UTRN: variants seen among roughly 807,000 people sequenced by gnomAD.
The protein encoded by UTRN is dystrophin-related protein 1.
In UTRN, 283 loss-of-function variants were observed where a neutral mutation model predicts 463.9. The observed-to-expected ratio is 0.61, with a 90% CI of 0.55 to 0.67. UTRN has a LOEUF of 0.67. UTRN is among the 30% of genes least tolerant of loss of function. The pLI is 0.00. For synonymous variants in UTRN, 1,442 were observed against 1,431.5 expected (o/e 1.01, Z -0.17); for missense variants, 3,922 against 4,084.3 (o/e 0.96, Z 1.08).
At position 144,718,020 on chromosome 6, in the gene UTRN, G is replaced by A. The variant is rs59568657; in HGVS notation, c.7810-12337G>A. 2.7e-3 allele frequency among the ~76,000 whole-genome samples: 408 copies of A among 152,206 alleles called. 1 individual carries two copies. Among genetic ancestry groups the A allele is most frequent in the African/African-American group, 9.1e-3 (377 of 41,510 alleles). On this transcript the variant is annotated intron_variant, in intron 53 of 74. Coordinates refer to ENST00000367545, the MANE Select transcript of UTRN (RefSeq NM_007124.3). Reference sequence around the variant, plus strand: ...AAGTCATCTACTTTCAGATGTTCCTGCAAACGGAGGGCTTTGTTCTGGCAT... The same window carrying A: ...AAGTCATCTACTTTCAGATGTTCCTACAAACGGAGGGCTTTGTTCTGGCAT...
intron 19 of UTRN, among the ~76,000 whole-genome samples, chr6:144,458,119 T>C (rs1220538333): frequency 6.6e-6 from 1 of 152,200 alleles, no homozygotes; most frequent in Non-Finnish European, 1.5e-5. Context: ...ATGGTGGCAT[T>C]GTTTTCCCTG....
chr6:144,399,844 T>C (rs1464724553), intron 2 of UTRN, among the ~76,000 whole-genome samples: 3 of 152,222 alleles, frequency 2.0e-5, no homozygotes, highest in Non-Finnish European at 4.4e-5. Flanking sequence ...CTTGAAGATT[T>C]ATCAAGCAGT....
At chr6:144,618,361 C>T (rs140017678) in intron 51 of UTRN, among the ~76,000 whole-genome samples, 259 of 152,190 alleles carry the variant, frequency 1.7e-3, no homozygotes, top group African/African-American at 5.9e-3. Flanking sequence ...TACAGTGCTT[C>T]CTTGAGTGTA....
At position 144,836,387 on chromosome 6, in the gene UTRN, C is replaced by G. The variant is rs536689275; in HGVS notation, c.9911C>G (p.Ser3304Cys). The change falls in exon 71 of 75, where the codon TCT becomes TGT. Residue 3304 changes from serine (S) to cysteine (C), a missense_variant. Ser to Cys is a moderately radical substitution (Grantham distance 112). Coordinates refer to ENST00000367545, the MANE Select transcript of UTRN (RefSeq NM_007124.3). The stretch of plus-strand genomic sequence containing the variant: ...GGTTCACCGCCAGAGTCGATTATAT[C>G]TCCCCATCACACGTCTGAGGATTCA... ...PVGSPPESII[S>C]PHHTSEDSEL... The G allele has an allele frequency of 8.6e-6, 11 of 1,279,592 alleles. No individual in the cohort carries two copies. Among genetic ancestry groups the G allele is most frequent in the African/African-American group, 3.0e-5 (2 of 66,558 alleles). 79.3% of individuals were successfully genotyped at this position (1,279,592 alleles called of 1,614,324 possible).
At chr6:144,670,982 C>T (rs968392169) in intron 51 of UTRN, among the ~76,000 whole-genome samples, 2 of 152,064 alleles carry the variant, frequency 1.3e-5, no homozygotes, top group Non-Finnish European at 2.9e-5. Flanking sequence ...CTAGTCTGAT[C>T]CATTAGTCTG....
intron 65 of UTRN, among the ~76,000 whole-genome samples, chr6:144,809,777 G>A (rs1778450217): frequency 6.6e-6 from 1 of 152,132 alleles, no homozygotes; most frequent in Admixed American, 6.6e-5. Context: ...AAGGAGAGGG[G>A]AAGGGCACAT....
At chr6:144,825,817 C>T (rs879287850) in intron 66 of UTRN, among the ~76,000 whole-genome samples, 10 of 151,926 alleles carry the variant, frequency 6.6e-5, no homozygotes, top group Non-Finnish European at 1.5e-4. Context: ...AGAACAGTGA[C>T]GTGGAAATAG....
At chr6:144,448,505 A>C in intron 16 of UTRN, 95 bp from the exon 17 acceptor site, 1 of 1,363,050 alleles carries the variant, frequency 7.3e-7, no homozygotes, top group African/African-American at 1.5e-5. Flanking sequence ...ATAACCATTA[A>C]ATTGTGTATT....
At chr6:144,730,329 A>C in intron 53 of UTRN, 28 bp from the exon 54 acceptor site, 1 of 1,554,882 alleles carries the variant, frequency 6.4e-7, no homozygotes, top group Non-Finnish European at 8.7e-7. Context: ...TGAGGTTACA[A>C]ACTCAACTTT....
chr6:144,431,152 G>A (rs1329822591), intron 9 of UTRN, among the ~76,000 whole-genome samples: 1 of 151,986 alleles, frequency 6.6e-6, no homozygotes, highest in Non-Finnish European at 1.5e-5. Context: ...TTTGTTACAG[G>A]GTTTTAGATT....
intron 51 of UTRN, among the ~76,000 whole-genome samples, chr6:144,672,107 G>A (rs1781105117): frequency 6.6e-6 from 1 of 152,024 alleles, no homozygotes; most frequent in South Asian, 2.1e-4. Context: ...AGTGATATTG[G>A]TCTGTAGTTT....
intron 66 of UTRN, among the ~76,000 whole-genome samples, chr6:144,823,248 ATT>A (rs1779754196): frequency 2.0e-5 from 3 of 152,120 alleles, no homozygotes; most frequent in Non-Finnish European, 4.4e-5. Flanking sequence ...TTTTGGACAG[ATT>A]TATGAACTAC....
chr6:144,309,771 T>C (rs1806080729), intron 2 of UTRN, among the ~76,000 whole-genome samples: 1 of 152,212 alleles, frequency 6.6e-6, no homozygotes, highest in African/African-American at 2.4e-5. Flanking sequence ...AAGTCTGCAG[T>C]GACTCCCCAT....
intron 73 of UTRN, 86 bp from the exon 74 acceptor site, chr6:144,846,719 C>T (rs1782046437): frequency 4.5e-6 from 7 of 1,572,318 alleles, no homozygotes; most frequent in Non-Finnish European, 6.1e-6. Flanking sequence ...TAGAGTGATA[C>T]TTTCCACGCA....
intron 42 of UTRN, among the ~76,000 whole-genome samples, chr6:144,531,410 A>G (rs1261729523): frequency 1.3e-5 from 2 of 152,262 alleles, no homozygotes; most frequent in Non-Finnish European, 2.9e-5. Flanking sequence ...AGAAATTTAA[A>G]TAAAAATACT....
At position 144,531,248 on chromosome 6, in the gene UTRN, G is replaced by A. The variant is rs781033576; in HGVS notation, c.6057+46G>A. 30 of 1,567,226 alleles carry A rather than the reference G, an allele frequency of 1.9e-5. No individual in the cohort carries two copies. The African/African-American group carries it at 3.9e-4, about 21-fold the overall frequency. Reference sequence around the variant, plus strand: ...GAGGGGGACTGCACATATGGTTAGTGTATGCCTGTTAAGACAGATTTCAGA... The same window carrying A: ...GAGGGGGACTGCACATATGGTTAGTATATGCCTGTTAAGACAGATTTCAGA... On this transcript the variant is annotated intron_variant, in intron 42 of 74. Transcript: ENST00000367545.
intron 54 of UTRN, among the ~76,000 whole-genome samples, chr6:144,739,691 C>T (rs1490051693): frequency 6.6e-6 from 1 of 152,172 alleles, no homozygotes; most frequent in Non-Finnish European, 1.5e-5. Context: ...TTCTCCATGT[C>T]TTCTTCTCTG....
In UTRN at chr6:144,451,449, T is replaced by A; in HGVS notation, c.2152T>A (p.Tyr718Asn). The change falls in exon 18 of 75, where the codon TAT (tyrosine) becomes AAT (asparagine). Residue 718 changes from tyrosine to asparagine, a missense_variant. Physicochemically the swap from Tyr to Asn is moderately radical, Grantham distance 143. Around this residue, in one of 3 missense-constraint regions of UTRN, gnomAD observed 2,349 missense variants for 2,303.8 expected, o/e 1.02. Transcript: ENST00000367545. ...CATTCAGACCACAGAGATAAAAGAG[T>A]ATATGAAGATGCAAGACACTTCCGA... is the stretch of plus-strand genomic sequence containing the variant. ...TAIQTTEIKEYMKMQDTSEMK... is the reference protein window; with the variant it reads ...TAIQTTEIKENMKMQDTSEMK... 6.2e-7 allele frequency: 1 copy of A among 1,610,506 alleles called. No homozygotes were observed. Among genetic ancestry groups the A allele is most frequent in the Admixed American group, 1.7e-5 (1 of 59,662 alleles).
At chr6:144,734,549 C>T (rs756027454) in intron 54 of UTRN, among the ~76,000 whole-genome samples, 6 of 152,254 alleles carry the variant, frequency 3.9e-5, no homozygotes, top group Non-Finnish European at 8.8e-5. Flanking sequence ...CTGGGTTGCT[C>T]GGGCTAAAAT....
Sources: allele counts gnomAD v4.1 joint callset (sites outside exome capture counted in the v4.1 genomes callset), GRCh38; gene constraint gnomAD v4.1.1; regional missense constraint gnomAD v4.1.1; transcripts MANE v1.5; gene names NCBI Gene and HGNC (gene_info 2026-07-23, HGNC 2026-07-21).